SYNDIG1L: variants seen among roughly 807,000 people sequenced by gnomAD.
The protein encoded by SYNDIG1L is synapse differentiation inducing 1 like.
Under a neutral mutation model 20.1 loss-of-function variants are expected in SYNDIG1L, and 13 were observed. The observed-to-expected ratio is 0.65, with a 90% CI of 0.42 to 1.03. The LOEUF is 1.03. Among genes scored for constraint, SYNDIG1L ranks in the 50% least tolerant of loss-of-function variants. The pLI, the probability that SYNDIG1L is intolerant of heterozygous loss-of-function variation, is 0.00. For missense variants in SYNDIG1L, 294 were observed against 305.1 expected (o/e 0.96, Z 0.27); for synonymous variants, 128 against 129.3 (o/e 0.99, Z 0.07).
At chr14:74,448,722 T>C in the SYNDIG1L span, among the ~76,000 whole-genome samples, 1 of 152,278 alleles carries the variant, frequency 6.6e-6, no homozygotes, top group East Asian at 1.9e-4. Context: ...AAATGGAATA[T>C]TATACATCAA....
intron 1 of SYNDIG1L, among the ~76,000 whole-genome samples, chr14:74,418,217 C>T (rs529751861): frequency 1.3e-4 from 20 of 152,150 alleles, no homozygotes; most frequent in African/African-American, 4.3e-4. Context: ...TGGTGATAAG[C>T]GAAAGAGCCA....
At chr14:74,451,152 T>A in the SYNDIG1L span, among the ~76,000 whole-genome samples, 1 of 152,150 alleles carries the variant, frequency 6.6e-6, no homozygotes, top group African/African-American at 2.4e-5. Context: ...TTTAGATGGC[T>A]GACACTACCT....
rs184134447 is a variant in SYNDIG1L, at chr14:74,412,747, C to T, written c.-57-2946G>A. On this transcript the variant is annotated intron_variant, in intron 1 of 3. Coordinates refer to ENST00000331628, the MANE Select transcript of SYNDIG1L (RefSeq NM_001105579.2). Reference sequence around the variant, plus strand: ...TTCATCTCGGGCTTCCCGACTGCCCCTGTACTGCCCCAGTTGCAGCCCTGC... The same window carrying T: ...TTCATCTCGGGCTTCCCGACTGCCCTTGTACTGCCCCAGTTGCAGCCCTGC... Among the ~76,000 whole-genome samples, 77 of 152,334 alleles carry T rather than the reference C, an allele frequency of 5.1e-4. 1 individual carries two copies. The highest frequency in any genetic ancestry group is 8.8e-4 in the Non-Finnish European group (60 of 68,030).
At chr14:74,466,491 C>A in the SYNDIG1L span, among the ~76,000 whole-genome samples, 1 of 152,118 alleles carries the variant, frequency 6.6e-6, no homozygotes, top group Non-Finnish European at 1.5e-5. Flanking sequence ...AATGACTTCC[C>A]CTCCTGGCCT....
the SYNDIG1L span, among the ~76,000 whole-genome samples, chr14:74,467,368 C>T: frequency 1.3e-5 from 2 of 152,200 alleles, no homozygotes; most frequent in South Asian, 4.1e-4. Context: ...AAAACGAGGG[C>T]TGAGAAGGGG....
At position 74,406,923 on chromosome 14, in the gene SYNDIG1L, A is replaced by G. The variant is rs1199720946; in HGVS notation, c.*612T>C. ...ACCGAGGCTCCTCTTCCCTATCTAG[A>G]ATCTACAGTGCCTCACAAGCCCATG... On this transcript the variant is annotated 3_prime_UTR_variant, in exon 4 of 4. Coordinates refer to ENST00000331628, the MANE Select transcript of SYNDIG1L (RefSeq NM_001105579.2). The G allele has an allele frequency of 6.5e-6, 1 of 152,910 alleles. No individual in the cohort carries two copies. Among genetic ancestry groups the G allele is most frequent in the African/African-American group, 2.4e-5 (1 of 41,398 alleles). The allele number at this position is 152,910 out of a possible 1,614,324, so 9.5% of individuals were successfully genotyped here.
At chr14:74,431,298 G>T in the SYNDIG1L span, among the ~76,000 whole-genome samples, 1 of 152,116 alleles carries the variant, frequency 6.6e-6, no homozygotes, top group Non-Finnish European at 1.5e-5. Flanking sequence ...TTCTGAGCTT[G>T]GAAAGTGAGC....
At chr14:74,445,694 C>T in the SYNDIG1L span, among the ~76,000 whole-genome samples, 8 of 152,266 alleles carry the variant, frequency 5.3e-5, no homozygotes, top group African/African-American at 1.9e-4. Flanking sequence ...CCAGGCTGAT[C>T]TTGAACTCCT....
At chr14:74,432,180 T>TGTGTGTGTGTGTGAGA in the SYNDIG1L span, among the ~76,000 whole-genome samples, 42 of 124,072 alleles carry the variant, frequency 3.4e-4, no homozygotes, top group Non-Finnish European at 5.4e-4. Context: ...TGTGTGTGTG[T>TGTGTGTGTGTGTGAGA]GAGAGAGAGA....
chr14:74,456,055 C>A, the SYNDIG1L span, among the ~76,000 whole-genome samples: 1 of 152,218 alleles, frequency 6.6e-6, no homozygotes, highest in Non-Finnish European at 1.5e-5. Flanking sequence ...CCAATGATTT[C>A]TGTAGGAGTC....
the SYNDIG1L span, among the ~76,000 whole-genome samples, chr14:74,478,362 C>A: frequency 8.8e-4 from 134 of 152,210 alleles, no homozygotes; most frequent in Non-Finnish European, 1.6e-3. Context: ...AACATTGTTT[C>A]AAATTTGAAG....
At position 74,406,106 on chromosome 14, in the gene SYNDIG1L, G is replaced by A; in HGVS notation, c.*1429C>T. 1 of 398,652 alleles carries A rather than the reference G, an allele frequency of 2.5e-6. No individual in the cohort carries two copies. Among genetic ancestry groups the A allele is most frequent in the Non-Finnish European group, 4.4e-6 (1 of 226,150 alleles). 24.7% of individuals were successfully genotyped at this position (398,652 alleles called of 1,614,324 possible). ...ACATCATGCACAGCAGGGGCCTGTA[G>A]CTTGAGTCCAGACAGGCCTGCCCAC... On this transcript the variant is annotated 3_prime_UTR_variant, in exon 4 of 4. Transcript: ENST00000331628.
Position 74,407,942 on chromosome 14 carries a change from C to A in SYNDIG1L, c.465G>T (p.Thr155=). Residue 155 remains threonine, a synonymous_variant, in exon 3 of 4, where the codon ACG becomes ACT. Transcript: ENST00000331628. ...GTCCCAGGTGGTCCCTGGGAGGCAG[C>A]GTGAGGAAGTTGTCTTCACTTTCAC... ...TESESEDNFL[T]LPPRDHLGLT... The A allele has an allele frequency of 1.9e-6, 3 of 1,613,654 alleles. No individual in the cohort carries two copies. The highest frequency in any genetic ancestry group is 1.7e-6 in the Non-Finnish European group (2 of 1,179,760).
the SYNDIG1L span, among the ~76,000 whole-genome samples, chr14:74,458,621 C>CAA: frequency 9.5e-3 from 759 of 79,780 alleles, 20 homozygotes; most frequent in African/African-American, 0.029. Flanking sequence ...GACTCCATCT[C>CAA]AAAAAAAAAA....
the SYNDIG1L span, among the ~76,000 whole-genome samples, chr14:74,450,601 A>G: frequency 6.6e-6 from 1 of 152,194 alleles, no homozygotes; most frequent in Non-Finnish European, 1.5e-5. Context: ...TTCTCAATAG[A>G]TGCAGAAAAA....
chr14:74,410,929 T>C (rs2086125727), intron 1 of SYNDIG1L, among the ~76,000 whole-genome samples: 1 of 152,132 alleles, frequency 6.6e-6, no homozygotes, highest in South Asian at 2.1e-4. Flanking sequence ...TTTGGAAGTA[T>C]GGAGACACTC....
the SYNDIG1L span, among the ~76,000 whole-genome samples, chr14:74,458,632 A>AAAAAAAG: frequency 6.6e-6 from 1 of 151,942 alleles, no homozygotes; most frequent in African/African-American, 2.4e-5. Context: ...AAAAAAAAAA[A>AAAAAAAG]AAAAAAAGTG....
At chr14:74,450,987 G>C in the SYNDIG1L span, among the ~76,000 whole-genome samples, 1 of 152,150 alleles carries the variant, frequency 6.6e-6, no homozygotes, top group Non-Finnish European at 1.5e-5. Context: ...TCATTGTTTA[G>C]ATGTCAGTAT....
chr14:74,461,299 G>A, the SYNDIG1L span, among the ~76,000 whole-genome samples: 20 of 152,052 alleles, frequency 1.3e-4, no homozygotes, highest in Admixed American at 5.2e-4. Flanking sequence ...TCCTGAGCTC[G>A]CCATTAGCTC....
Sources: gnomAD v4.1 joint callset for allele counts (sites outside exome capture counted in the v4.1 genomes callset) on GRCh38, gnomAD v4.1.1 for gene constraint, MANE v1.5 for transcripts, NCBI Gene and HGNC (gene_info 2026-07-23, HGNC 2026-07-21) for gene names.